Variants in C1orf198 observed in about 807,000 individuals in gnomAD.
C1orf198 encodes chromosome 1 open reading frame 198, also known as uncharacterized protein C1orf198.
A neutral mutation model predicts 31.4 loss-of-function variants in C1orf198; 17 were observed. That is an observed-to-expected ratio of 0.54 (90% confidence interval 0.37 to 0.81). C1orf198 has a LOEUF of 0.81. Ranked by LOEUF, C1orf198 falls within the 40% of genes least tolerant of loss-of-function variation. The pLI is 0.00. For missense variants in C1orf198, 401 were observed against 450.3 expected, an observed-to-expected ratio of 0.89 and a Z score of 0.99; for synonymous variants, 175 against 193.8, an observed-to-expected ratio of 0.90 and a Z score of 0.81.
intron 3 of C1orf198, among the ~76,000 whole-genome samples, chr1:230,841,914 T>C (rs1301295861): frequency 1.3e-5 from 2 of 152,214 alleles, no homozygotes; most frequent in Non-Finnish European, 2.9e-5. Flanking sequence ...GATGAGTGGA[T>C]ACACAAAATG....
chr1:230,856,871 G>A (rs57990731), intron 1 of C1orf198, among the ~76,000 whole-genome samples: 1,942 of 152,242 alleles, frequency 0.013, 25 homozygotes, highest in East Asian at 0.072. Flanking sequence ...TAGGTACACC[G>A]ACTCTGCGCC....
intron 1 of C1orf198, chr1:230,856,252 C>T (rs920735753): frequency 8.5e-5 from 13 of 152,800 alleles, no homozygotes; most frequent in Non-Finnish European, 1.6e-4. Flanking sequence ...CCCAACAGGC[C>T]TACCAGAGAG....
Position 230,838,278 on chromosome 1 carries a change from A to G in C1orf198, c.*1574T>C, listed in dbSNP as rs200712283. Reference sequence around the variant, plus strand: ...ATGGTACAGAAAGAACCAATATTTGAAAAGTTACAGTAAATCACTGAAGCA... The same window carrying G: ...ATGGTACAGAAAGAACCAATATTTGGAAAGTTACAGTAAATCACTGAAGCA... On this transcript the variant is annotated 3_prime_UTR_variant, in exon 4 of 4. Coordinates refer to ENST00000366663, the MANE Select transcript of C1orf198 (RefSeq NM_032800.3). This position sits in a 1 kb window ranked among gnomAD's most constrained non-coding sequence, Gnocchi z 4.2. The G allele has an allele frequency of 1.3e-5, 2 of 152,300 alleles. No homozygotes were observed. Among genetic ancestry groups the G allele is most frequent in the East Asian group, 3.8e-4 (2 of 5,200 alleles). The allele number at this position is 152,300 out of a possible 1,614,324, so 9.4% of individuals were successfully genotyped here.
At chr1:230,859,216 G>A (rs971603423) in intron 1 of C1orf198, among the ~76,000 whole-genome samples, 2 of 152,156 alleles carry the variant, frequency 1.3e-5, no homozygotes, top group South Asian at 2.1e-4. Context: ...ATTGCAAAGT[G>A]GCGGCACCCA....
rs556622338 is a variant in C1orf198, at chr1:230,838,431, G to A, written c.*1421C>T. On this transcript the variant is annotated 3_prime_UTR_variant, in exon 4 of 4. Coordinates refer to ENST00000366663, the MANE Select transcript of C1orf198 (RefSeq NM_032800.3). The surrounding 1 kb of genome is among the most constrained non-coding windows in gnomAD (Gnocchi z 4.2). ...ACTTTCCTGGAGATGATGAGGGGTT[G>A]AGGTGAGTTGCTATGTGCTTTATTT... 2.6e-5 allele frequency: 4 copies of A among 152,438 alleles called. No homozygotes were observed. The South Asian group carries it at 8.3e-4, about 32-fold the overall frequency. The allele number at this position is 152,438 out of a possible 1,614,324, so 9.4% of individuals were successfully genotyped here. A position where few individuals can be genotyped will look rare whatever the true frequency, so the allele number is the denominator to read the frequency against.
At chr1:230,855,971 C>T (rs1427793467) in intron 1 of C1orf198, 5 of 1,293,052 alleles carry the variant, frequency 3.9e-6, no homozygotes, top group Non-Finnish European at 4.9e-6. Flanking sequence ...CCGGTGAGGC[C>T]CCCCAATGGA....
In C1orf198 at chr1:230,843,033, G is replaced by C. The variant is rs907360721; in HGVS notation, c.927+321C>G. Among the ~76,000 whole-genome samples the C allele has an allele frequency of 1.3e-5, 2 of 152,244 alleles. No homozygotes were observed. Among genetic ancestry groups the C allele is most frequent in the African/African-American group, 4.8e-5 (2 of 41,472 alleles). Reference sequence around the variant, plus strand: ...CAAAAAGAAGGCCCAACACAGCTTTGAGCTGTGACAGCCCTGGGCGCAGCG... The same window carrying C: ...CAAAAAGAAGGCCCAACACAGCTTTCAGCTGTGACAGCCCTGGGCGCAGCG... On this transcript the variant is annotated intron_variant, in intron 3 of 3. Coordinates refer to ENST00000366663, the MANE Select transcript of C1orf198 (RefSeq NM_032800.3). The surrounding 1 kb of genome is among the most constrained non-coding windows in gnomAD (Gnocchi z 4.9).
At chr1:230,851,584 GC>G (rs35783934) in intron 2 of C1orf198, among the ~76,000 whole-genome samples, 24,435 of 152,112 alleles carry the variant, frequency 0.16, 2,403 homozygotes, top group East Asian at 0.38. Flanking sequence ...GTCCCCACTG[GC>G]CCCCTCTCCC....
At chr1:230,858,366 A>G (rs1210598985) in intron 1 of C1orf198, among the ~76,000 whole-genome samples, 1 of 152,204 alleles carries the variant, frequency 6.6e-6, no homozygotes, top group Non-Finnish European at 1.5e-5. Flanking sequence ...ATTCTAGTTA[A>G]TCATTCATTA....
chr1:230,854,887 T>C (rs1349520558), intron 2 of C1orf198, among the ~76,000 whole-genome samples: 2 of 152,104 alleles, frequency 1.3e-5, no homozygotes, highest in Non-Finnish European at 2.9e-5. Flanking sequence ...GTATCAGTAT[T>C]TAAAAACCCT....
intron 2 of C1orf198, among the ~76,000 whole-genome samples, chr1:230,844,361 C>T (rs1669531573): frequency 6.6e-6 from 1 of 152,006 alleles, no homozygotes; most frequent in African/African-American, 2.4e-5. Flanking sequence ...TGTGAGATAC[C>T]TGCTCTCCTC....
chr1:230,838,160 C>A lies in C1orf198; in HGVS notation c.*1692G>T, dbSNP rs1669349054. The A allele has an allele frequency of 6.6e-6, 1 of 152,392 alleles. No individual in the cohort carries two copies. The highest frequency in any genetic ancestry group is 3.4e-3 in the Middle Eastern group (1 of 294). 9.4% of individuals were successfully genotyped at this position (152,392 alleles called of 1,614,324 possible). On this transcript the variant is annotated 3_prime_UTR_variant, in exon 4 of 4. Transcript: ENST00000366663. The surrounding 1 kb of genome is among the most constrained non-coding windows in gnomAD (Gnocchi z 4.2). ...TAGCCCTGAGGGGAGCTGGCGCTTG[C>A]CCAGGCTGTGCCAACTGGGATTTCT...
intron 2 of C1orf198, among the ~76,000 whole-genome samples, chr1:230,853,903 C>T (rs954969152): frequency 3.3e-5 from 5 of 152,158 alleles, no homozygotes; most frequent in Admixed American, 2.0e-4. Context: ...TCGAGATCTT[C>T]GCCAGGCACC....
rs1452614513 is a variant in C1orf198 at position 230,843,295 on chromosome 1, C to G, written c.927+59G>C. The G allele has an allele frequency of 2.6e-6, 4 of 1,520,986 alleles. No homozygotes were observed. Among genetic ancestry groups the G allele is most frequent in the African/African-American group, 1.4e-5 (1 of 72,186 alleles). 94.2% of individuals were successfully genotyped at this position (1,520,986 alleles called of 1,614,324 possible). ...CTGCCTGCTTTGTGGGGGACCCTCT[C>G]GGTTCCCGTGGAATAAGGCACCATC... On this transcript the variant is annotated intron_variant, in intron 3 of 3. Transcript: ENST00000366663. The surrounding 1 kb of genome is among the most constrained non-coding windows in gnomAD (Gnocchi z 4.9).
At chr1:230,842,277 A>G (rs549810170) in intron 3 of C1orf198, among the ~76,000 whole-genome samples, 96 of 152,332 alleles carry the variant, frequency 6.3e-4, no homozygotes, top group Admixed American at 2.9e-3. Flanking sequence ...AAATGGTTAA[A>G]ATGGTAAATG....
intron 1 of C1orf198, among the ~76,000 whole-genome samples, chr1:230,867,039 C>A (rs141933189): frequency 7.9e-4 from 121 of 152,312 alleles, no homozygotes; most frequent in South Asian, 1.9e-3. Context: ...CACACCCAAG[C>A]CTGAAAATCT....
In C1orf198 at chr1:230,868,162, G is replaced by T. The variant is rs529581827; in HGVS notation, c.333+18C>A. The T allele has an allele frequency of 2.1e-6, 3 of 1,419,806 alleles. No individual in the cohort carries two copies. The highest frequency in any genetic ancestry group is 3.0e-5 in the Admixed American group (1 of 32,898). 88.0% of individuals were successfully genotyped at this position (1,419,806 alleles called of 1,614,324 possible). On this transcript the variant is annotated intron_variant, in intron 1 of 3. Coordinates refer to ENST00000366663, the MANE Select transcript of C1orf198 (RefSeq NM_032800.3). ...GCGCCGGGAGGGGAAGAGGGTCCGC[G>T]GCCAGGCCCGCACCTACCTCGTCCC...
intron 1 of C1orf198, among the ~76,000 whole-genome samples, chr1:230,866,546 C>T (rs1332678964): frequency 6.6e-6 from 1 of 152,220 alleles, no homozygotes; most frequent in African/African-American, 2.4e-5. Flanking sequence ...CACATTCTTC[C>T]TTGTCAGTAA....
At chr1:230,865,487 T>C (rs1202582) in intron 1 of C1orf198, among the ~76,000 whole-genome samples, 123,266 of 152,172 alleles carry the variant, frequency 0.81, 50,038 homozygotes, top group South Asian at 0.93. Flanking sequence ...TCTAATATAA[T>C]GGGCCTTGAG....
Sources: gnomAD v4.1 joint callset for allele counts (sites outside exome capture counted in the v4.1 genomes callset) on GRCh38, gnomAD v4.1.1 for gene constraint, Gnocchi (gnomAD v3.1) non-coding constraint, MANE v1.5 for transcripts, NCBI Gene and HGNC (gene_info 2026-07-23, HGNC 2026-07-21) for gene names.